LPP: variants seen among roughly 807,000 people sequenced by gnomAD.
The protein encoded by LPP is LIM domain containing preferred translocation partner in lipoma, also known as lipoma-preferred partner.
In LPP, 38 loss-of-function variants were observed where a neutral mutation model predicts 60.4. That is an observed-to-expected ratio of 0.63 (90% CI 0.49 to 0.83). The LOEUF (loss-of-function observed/expected upper bound fraction) is 0.83. Ranked by LOEUF, LPP falls within the 40% of genes least tolerant of loss-of-function variation. LPP has a pLI of 0.00. For missense variants in LPP, 902 were observed against 783.6 expected, an observed-to-expected ratio of 1.15 and a Z score of -1.80; for synonymous variants, 328 against 290.8, an observed-to-expected ratio of 1.13 and a Z score of -1.30.
At chr3:188,366,843 C>T (rs1463983709) in intron 3 of LPP, among the ~76,000 whole-genome samples, 1 of 152,104 alleles carries the variant, frequency 6.6e-6, no homozygotes. Flanking sequence ...GTTCTCATTC[C>T]CTTGTTAGCT....
At chr3:188,164,084 A>G (rs1220117440) in intron 1 of LPP, among the ~76,000 whole-genome samples, 3 of 152,184 alleles carry the variant, frequency 2.0e-5, no homozygotes, top group African/African-American at 4.8e-5. Flanking sequence ...ATGTATATCT[A>G]TAATATAAGA....
intron 3 of LPP, among the ~76,000 whole-genome samples, chr3:188,375,206 A>T (rs998754075): frequency 5.9e-5 from 9 of 152,168 alleles, no homozygotes; most frequent in African/African-American, 2.2e-4. Context: ...TGGTATCAGG[A>T]TGATGCTGGC....
At position 188,549,497 on chromosome 3, in the gene LPP, A is replaced by G. The variant is rs530710087; in HGVS notation, c.429+24710A>G. The stretch of plus-strand genomic sequence containing the variant: ...ACTGATAGTTCAGTGACCTGTAAGT[A>G]GCGATTTTAAAGAAAAATTTTATAG... On this transcript the variant is annotated intron_variant, in intron 6 of 11. Transcript: ENST00000617246. Among the ~76,000 whole-genome samples, 6 of 152,324 alleles carry G rather than the reference A, an allele frequency of 3.9e-5. No individual in the cohort carries two copies. In the South Asian group the frequency reaches 6.2e-4, roughly 16 times the overall value.
chr3:188,245,888 T>C (rs1190251913), intron 2 of LPP, among the ~76,000 whole-genome samples: 2 of 152,314 alleles, frequency 1.3e-5, no homozygotes, highest in Non-Finnish European at 2.9e-5. Flanking sequence ...TATATTGTAC[T>C]ACCCTCACTG....
rs1419309480 is a variant in LPP at position 188,883,575 on chromosome 3, A to G, written c.*9096A>G. 1 of 180,202 alleles carries G rather than the reference A, an allele frequency of 5.5e-6. No homozygotes were observed. Among genetic ancestry groups the G allele is most frequent in the Non-Finnish European group, 1.2e-5 (1 of 84,370 alleles). 11.2% of individuals were successfully genotyped at this position (180,202 alleles called of 1,614,324 possible). A position where few individuals can be genotyped will look rare whatever the true frequency, so the allele number is the denominator to read the frequency against. ...TGAAACCCCGACTCTACTAAAAAAA[A>G]TACAAAAATTAGCCGGGCGTGTTGG... On this transcript the variant is annotated 3_prime_UTR_variant, in exon 12 of 12. Transcript: ENST00000617246.
chr3:188,736,059 A>G (rs1208780960), intron 8 of LPP, among the ~76,000 whole-genome samples: 1 of 152,244 alleles, frequency 6.6e-6, no homozygotes, highest in Non-Finnish European at 1.5e-5. Context: ...CAAAAAACAC[A>G]GCCCCTTCAC....
At chr3:188,260,567 A>G (rs925255917) in intron 2 of LPP, among the ~76,000 whole-genome samples, 1 of 152,040 alleles carries the variant, frequency 6.6e-6, no homozygotes, top group African/African-American at 2.4e-5. Context: ...CCAAGATAGA[A>G]ATTGTCACTA....
intron 9 of LPP, among the ~76,000 whole-genome samples, chr3:188,787,119 A>T (rs954743631): frequency 6.6e-6 from 1 of 152,190 alleles, no homozygotes; most frequent in Non-Finnish European, 1.5e-5. Flanking sequence ...ATATATACAG[A>T]CAAGTGGAGA....
Position 188,441,609 on chromosome 3 carries a change from C to CTTTTTTT in LPP, c.193+35319_193+35325dup, listed in dbSNP as rs1004222826. Among the ~76,000 whole-genome samples the CTTTTTTT allele has an allele frequency of 6.8e-4, 38 of 55,642 alleles. 2 individuals are homozygous for CTTTTTTT. The highest frequency in any genetic ancestry group is 1.4e-3 in the African/African-American group (19 of 13,338). 36.5% of individuals were successfully genotyped at this position (55,642 alleles called of 152,430 possible). On this transcript the variant is annotated intron_variant, in intron 4 of 11. Coordinates refer to ENST00000617246, the MANE Select transcript of LPP (RefSeq NM_001375462.1). The stretch of plus-strand genomic sequence containing the variant: ...ACAGTTTCTTTTTTTCTTTTCTTTT[C>CTTTTTTT]TTTTTTTTTTTTTTTTTTTTTTTTT...
intron 9 of LPP, among the ~76,000 whole-genome samples, chr3:188,808,699 A>G (rs895110876): frequency 6.6e-6 from 1 of 152,082 alleles, no homozygotes; most frequent in Non-Finnish European, 1.5e-5. Context: ...AAGTTCCAGG[A>G]TACATGTGCA....
chr3:188,800,222 A>T (rs990744276), intron 9 of LPP, among the ~76,000 whole-genome samples: 3 of 113,482 alleles, frequency 2.6e-5, no homozygotes, highest in Admixed American at 1.7e-4. Flanking sequence ...TTGTGCAATT[A>T]TCTTCATGAA....
chr3:188,514,704 G>T (rs1486417214), intron 5 of LPP, among the ~76,000 whole-genome samples: 2 of 152,114 alleles, frequency 1.3e-5, no homozygotes, highest in Non-Finnish European at 1.5e-5. Context: ...AGCCTCCCAA[G>T]GTGTTGGGAT....
At chr3:188,376,736 G>A (rs1025203840) in intron 3 of LPP, among the ~76,000 whole-genome samples, 14 of 152,252 alleles carry the variant, frequency 9.2e-5, no homozygotes, top group East Asian at 1.9e-4. Flanking sequence ...GTGTGAATTC[G>A]ATCCTGTCAT....
At chr3:188,241,427 T>G (rs1724779825) in intron 2 of LPP, among the ~76,000 whole-genome samples, 1 of 152,244 alleles carries the variant, frequency 6.6e-6, no homozygotes, top group African/African-American at 2.4e-5. Flanking sequence ...CATCTTTTTC[T>G]CTTCTCTTCC....
rs549071859 is a variant in LPP, at chr3:188,431,026, A to G, written c.193+24713A>G. 1.1e-4 allele frequency among the ~76,000 whole-genome samples: 17 copies of G among 152,102 alleles called. No homozygotes were observed. The South Asian group carries it at 2.7e-3, about 24-fold the overall frequency. Reference sequence around the variant, plus strand: ...GATTTTTGAGGTATCATATTTTGCTAATGGTAAGTTTATAGTATTCCTAAG... The same window carrying G: ...GATTTTTGAGGTATCATATTTTGCTGATGGTAAGTTTATAGTATTCCTAAG... On this transcript the variant is annotated intron_variant, in intron 4 of 11. Coordinates refer to ENST00000617246, the MANE Select transcript of LPP (RefSeq NM_001375462.1).
intron 4 of LPP, among the ~76,000 whole-genome samples, chr3:188,420,281 A>G (rs1260599880): frequency 1.3e-5 from 2 of 152,322 alleles, no homozygotes; most frequent in South Asian, 4.1e-4. Context: ...TGTTAGAAGT[A>G]GAATTACTTT....
chr3:188,858,143 C>T (rs935012185), intron 9 of LPP, among the ~76,000 whole-genome samples: 3 of 152,124 alleles, frequency 2.0e-5, no homozygotes, highest in Middle Eastern at 3.2e-3. Flanking sequence ...TATGGCAGAC[C>T]TTCTTTGATG....
intron 7 of LPP, among the ~76,000 whole-genome samples, chr3:188,681,028 C>T (rs542149682): frequency 4.6e-4 from 67 of 145,396 alleles, no homozygotes; most frequent in African/African-American, 1.6e-3. Context: ...GACAGAGTCT[C>T]GCCCTGTCAC....
At position 188,347,865 on chromosome 3, in the gene LPP, G is replaced by T. The variant is rs557040874; in HGVS notation, c.-10+6146G>T. Among the ~76,000 whole-genome samples, 3 of 152,322 alleles carry T rather than the reference G, an allele frequency of 2.0e-5. No individual in the cohort carries two copies. The East Asian group carries it at 5.8e-4, about 29-fold the overall frequency. On this transcript the variant is annotated intron_variant, in intron 3 of 11. Coordinates refer to ENST00000617246, the MANE Select transcript of LPP (RefSeq NM_001375462.1). ...CCTTGCAGATGCAGAAATGGAGGTG[G>T]TTAGAAGGGGTAAGACTTACTAAAA... is the stretch of plus-strand genomic sequence containing the variant.
Sources: allele counts gnomAD v4.1 joint callset (sites outside exome capture counted in the v4.1 genomes callset), GRCh38; gene constraint gnomAD v4.1.1; transcripts MANE v1.5; gene names NCBI Gene and HGNC (gene_info 2026-07-23, HGNC 2026-07-21).